LRGUK: variants seen among roughly 807,000 people sequenced by gnomAD.
LRGUK encodes leucine-rich repeat and guanylate kinase domain-containing protein.
LRGUK carries 65 observed loss-of-function variants against 76.0 expected under a neutral mutation model. The observed-to-expected ratio is 0.85, with a 90% CI of 0.70 to 1.05. The LOEUF is 1.05. Ranked by LOEUF, LRGUK falls within the 50% of genes least tolerant of loss-of-function variation. The probability of loss-of-function intolerance (pLI) is 0.00; values close to 1 mark genes in which losing one functional copy is unlikely to be tolerated. For synonymous variants in LRGUK, 268 were observed against 265.6 expected, an observed-to-expected ratio of 1.01 and a Z score of -0.09; for missense variants, 758 against 732.8, an observed-to-expected ratio of 1.03 and a Z score of -0.40.
At chr7:134,178,933 A>AAAAAAAAAAAAAAAAAAACC (rs1228638281) in intron 10 of LRGUK, among the ~76,000 whole-genome samples, 52 of 13,640 alleles carry the variant, frequency 3.8e-3, no homozygotes, top group African/African-American at 0.015. Context: ...TCTCAAAAAA[A>AAAAAAAAAAAAAAAAAAACC]AAAAAAAAAA....
chr7:134,137,580 A>G (rs1471633235), intron 2 of LRGUK, among the ~76,000 whole-genome samples: 1 of 143,784 alleles, frequency 7.0e-6, no homozygotes, highest in Admixed American at 7.2e-5. Context: ...GCTATACCTT[A>G]CTTTCCAAAA....
chr7:134,217,153 C>CT (rs75989063), intron 15 of LRGUK, among the ~76,000 whole-genome samples: 10,468 of 122,046 alleles, frequency 0.086, 1,189 homozygotes, highest in African/African-American at 0.25. Context: ...AATACTCATC[C>CT]TTTTTTTTTT....
intron 6 of LRGUK, 103 bp downstream of exon 6, chr7:134,158,262 T>A: frequency 9.5e-7 from 1 of 1,052,368 alleles, no homozygotes; most frequent in East Asian, 2.6e-5. Flanking sequence ...AAGAGAAAAT[T>A]CCTTCATGAA....
exon 1 of LRGUK, chr7:134,127,616 C>T: frequency 1.9e-6 from 3 of 1,614,126 alleles, no homozygotes; most frequent in Non-Finnish European, 1.7e-6. Flanking sequence ...AGGGCGAGGG[C>T]GAGGCGGGAT....
At chr7:134,262,387 A>T (rs1322308298) in intron 19 of LRGUK, among the ~76,000 whole-genome samples, 1 of 152,212 alleles carries the variant, frequency 6.6e-6, no homozygotes, top group Non-Finnish European at 1.5e-5. Flanking sequence ...AATAAATAAA[A>T]ATAAAGTCAA....
intron 19 of LRGUK, among the ~76,000 whole-genome samples, chr7:134,259,116 G>A (rs1802657794): frequency 6.6e-6 from 1 of 152,134 alleles, no homozygotes; most frequent in African/African-American, 2.4e-5. Flanking sequence ...GAATTCTGAT[G>A]GCTTTAGGCT....
chr7:134,252,834 A>C (rs1802482212), intron 18 of LRGUK, among the ~76,000 whole-genome samples: 1 of 152,206 alleles, frequency 6.6e-6, no homozygotes, highest in Non-Finnish European at 1.5e-5. Flanking sequence ...TCCTGGGTCA[A>C]GGACAGGCCC....
At position 134,166,853 on chromosome 7, in the gene LRGUK, C is replaced by A. The variant is rs542039640; in HGVS notation, c.939+3313C>A. 6.1e-4 allele frequency among the ~76,000 whole-genome samples: 93 copies of A among 152,168 alleles called. 1 individual carries two copies. Among genetic ancestry groups the A allele is most frequent in the Non-Finnish European group, 9.8e-4 (67 of 68,034 alleles). Reference sequence around the variant, plus strand: ...TGTCCCCGGCAAGCAATGTGCATTACCCCCCTCTTCACTGAACCCTGGCTC... The same window carrying A: ...TGTCCCCGGCAAGCAATGTGCATTAACCCCCTCTTCACTGAACCCTGGCTC... On this transcript the variant is annotated intron_variant, in intron 7 of 15. Coordinates refer to ENST00000645682, the Ensembl canonical transcript of LRGUK.
chr7:134,165,394 C>G (rs543672198), intron 7 of LRGUK, among the ~76,000 whole-genome samples: 3 of 152,228 alleles, frequency 2.0e-5, no homozygotes, highest in Admixed American at 2.0e-4. Flanking sequence ...TGTTCTTAAC[C>G]TCTGCAGGGT....
intron 1 of LRGUK, among the ~76,000 whole-genome samples, chr7:134,135,186 T>C (rs988815420): frequency 3.9e-5 from 6 of 152,132 alleles, no homozygotes; most frequent in Non-Finnish European, 8.8e-5. Flanking sequence ...GGAGGAGGGA[T>C]GCAGGCCACT....
At chr7:134,195,173 G>A (rs1800428036) in intron 12 of LRGUK, among the ~76,000 whole-genome samples, 2 of 152,080 alleles carry the variant, frequency 1.3e-5, no homozygotes, top group Non-Finnish European at 1.5e-5. Flanking sequence ...TCAAGTGCAG[G>A]GTCTACAAAA....
chr7:134,170,120 T>C (rs1799180185), intron 7 of LRGUK, among the ~76,000 whole-genome samples: 2 of 152,136 alleles, frequency 1.3e-5, no homozygotes, highest in African/African-American at 4.8e-5. Context: ...AACATTTTTT[T>C]GACCTGTTTG....
downstream of LRGUK, among the ~76,000 whole-genome samples, chr7:134,269,401 A>G (rs12707139): frequency 0.36 from 50,558 of 140,044 alleles, 10,675 homozygotes; most frequent in South Asian, 0.5. Context: ...TGCCCAGGCT[A>G]GTGTGCAGTG....
intron 16 of LRGUK, 140 bp from the exon 17 acceptor site, chr7:134,247,416 C>T: frequency 3.8e-6 from 2 of 527,590 alleles, no homozygotes; most frequent in African/African-American, 2.0e-5. Context: ...GAGTGAATAT[C>T]AATTGTTTTT....
chr7:134,273,511 CT>C, the LRGUK span, among the ~76,000 whole-genome samples: 91 of 148,100 alleles, frequency 6.1e-4, no homozygotes, highest in South Asian at 4.2e-4. Flanking sequence ...AGGCATTGCA[CT>C]TTTTTTTTTT....
At chr7:134,129,055 T>C (rs1585402610) in intron 1 of LRGUK, among the ~76,000 whole-genome samples, 1 of 149,770 alleles carries the variant, frequency 6.7e-6, no homozygotes, top group Non-Finnish European at 1.5e-5. Flanking sequence ...CTTTTCTTTT[T>C]TCTTTCTTTC....
intron 16 of LRGUK, among the ~76,000 whole-genome samples, chr7:134,226,209 C>T (rs571536080): frequency 3.9e-4 from 56 of 143,044 alleles, no homozygotes; most frequent in African/African-American, 1.6e-3. Flanking sequence ...GTAGAAATTC[C>T]CATCTCCAAT....
downstream of LRGUK, among the ~76,000 whole-genome samples, chr7:134,267,914 G>C (rs564027660): frequency 7.5e-6 from 1 of 133,072 alleles, no homozygotes; most frequent in South Asian, 2.7e-4. Context: ...AGTACCCCCA[G>C]AATCTAAAAT....
chr7:134,202,919 A>C (rs1394045066), intron 15 of LRGUK, among the ~76,000 whole-genome samples: 1 of 152,186 alleles, frequency 6.6e-6, no homozygotes, highest in African/African-American at 2.4e-5. Flanking sequence ...AAAATGGTTA[A>C]GATGGCCGGG....
Sources: allele counts gnomAD v4.1 joint callset (sites outside exome capture counted in the v4.1 genomes callset), GRCh38; gene constraint gnomAD v4.1.1; transcripts MANE v1.5; gene names NCBI Gene and HGNC (gene_info 2026-07-23, HGNC 2026-07-21).